The following PRRC2B variants were observed in gnomAD, a reference collection of about 807,000 sequenced individuals.
PRRC2B encodes the protein proline rich coiled-coil 2B.
PRRC2B carries 68 observed loss-of-function variants against 242.3 expected under a neutral mutation model. The ratio of observed to expected loss-of-function variants is 0.28; its 90% CI spans 0.23 to 0.34. The LOEUF is 0.34. Among genes scored for constraint, PRRC2B ranks in the 10% least tolerant of loss-of-function variants. PRRC2B has a pLI of 1.00. For synonymous variants in PRRC2B, 1,228 were observed against 1,173.6 expected (o/e 1.05, Z -0.95); for missense variants, 2,835 against 2,954.8 (o/e 0.96, Z 0.94).
At chr9:131,422,204 G>A (rs991595851) in intron 1 of PRRC2B, among the ~76,000 whole-genome samples, 6 of 152,042 alleles carry the variant, frequency 3.9e-5, no homozygotes, top group South Asian at 2.1e-4. Context: ...ACAGGCGCGC[G>A]CCACCATGCC....
At chr9:131,484,547 A>C in intron 23 of PRRC2B, 139 bp from the exon 24 acceptor site, 1 of 613,702 alleles carries the variant, frequency 1.6e-6, no homozygotes, top group African/African-American at 1.9e-5. Context: ...GCTTTTGGGA[A>C]AAGCCATGGA....
At position 131,491,447 on chromosome 9, in the gene PRRC2B, A is replaced by G; in HGVS notation, c.6248A>G (p.Tyr2083Cys). The G allele has an allele frequency of 1.2e-6, 2 of 1,608,388 alleles. No individual in the cohort carries two copies. The highest frequency in any genetic ancestry group is 1.7e-6 in the Non-Finnish European group (2 of 1,177,778). Residue 2083 changes from tyrosine (Y) to cysteine (C), a missense_variant, in exon 29 of 32, where the codon TAC (tyrosine) becomes TGC (cysteine). Coordinates refer to ENST00000683519, the MANE Select transcript of PRRC2B (RefSeq NM_013318.4). ...CAGCTGACCATGCCACTGCCTCGGT[A>G]CGGCTCCGGGCAGCAGCCACTGATC... Reference protein sequence around the residue: ...LPQLTMPLPRYGSGQQPLILP... With the variant: ...LPQLTMPLPRCGSGQQPLILP...
intron 17 of PRRC2B, 106 bp downstream of exon 17, chr9:131,478,055 G>A (rs760942028): frequency 8.8e-5 from 84 of 957,948 alleles, no homozygotes; most frequent in Non-Finnish European, 1.1e-4. Context: ...CTTAGCTTTC[G>A]GAACAGCTCG....
At chr9:131,486,038 G>T in intron 25 of PRRC2B, 47 bp from the exon 26 acceptor site, 1 of 1,274,032 alleles carries the variant, frequency 7.8e-7, no homozygotes, top group Non-Finnish European at 1.1e-6. Context: ...TTGAGAAGTA[G>T]TGAGGCTTGA....
intron 1 of PRRC2B, among the ~76,000 whole-genome samples, chr9:131,410,946 TA>T (rs779302468): frequency 7.2e-5 from 11 of 152,256 alleles, no homozygotes; most frequent in Non-Finnish European, 1.5e-4. Flanking sequence ...GTTTTTAGGA[TA>T]TTTCCTCTGA....
chr9:131,376,206 T>C (rs1049234735), intron 1 of PRRC2B, among the ~76,000 whole-genome samples: 2 of 150,886 alleles, frequency 1.3e-5, no homozygotes, highest in African/African-American at 4.9e-5. Context: ...ACAAAAAAAT[T>C]AGCCAGGTAT....
At chr9:131,465,136 G>C in intron 12 of PRRC2B, 58 bp downstream of exon 12, 3 of 1,500,052 alleles carry the variant, frequency 2.0e-6, no homozygotes, top group Non-Finnish European at 1.8e-6. Context: ...TCCTCGTCTT[G>C]TTACTTGCAA....
intron 1 of PRRC2B, among the ~76,000 whole-genome samples, chr9:131,404,637 A>G (rs905164674): frequency 2.6e-5 from 4 of 152,222 alleles, no homozygotes; most frequent in Non-Finnish European, 5.9e-5. Flanking sequence ...CCTCCCAGAA[A>G]AAAACCCACA....
chr9:131,486,303 G>A lies in PRRC2B; in HGVS notation c.5856+121G>A, dbSNP rs1944023127. 3.5e-6 allele frequency: 3 copies of A among 859,946 alleles called. No individual in the cohort carries two copies. The African/African-American group carries it at 5.1e-5, about 15-fold the overall frequency. 53.3% of individuals were successfully genotyped at this position (859,946 alleles called of 1,614,324 possible). A position where few individuals can be genotyped will look rare whatever the true frequency, so the allele number is the denominator to read the frequency against. ...TGGTTTTCCATCCCCCTCACATGTG[G>A]TGACCAGCACCTGGCCCGCCACGGC... is the stretch of plus-strand genomic sequence containing the variant. On this transcript the variant is annotated intron_variant, in intron 26 of 31. Transcript: ENST00000683519.
chr9:131,399,620 A>G (rs999844588), intron 1 of PRRC2B, among the ~76,000 whole-genome samples: 1 of 152,086 alleles, frequency 6.6e-6, no homozygotes, highest in Non-Finnish European at 1.5e-5. Context: ...GCCAAAATAA[A>G]TATATAAATC....
chr9:131,486,322 C>A, intron 26 of PRRC2B, 140 bp downstream of exon 26: 1 of 842,920 alleles, frequency 1.2e-6, no homozygotes, highest in Non-Finnish European at 1.8e-6. Flanking sequence ...ACCTGGCCCG[C>A]CACGGCAGCC....
At position 131,479,293 on chromosome 9, in the gene PRRC2B, T is replaced by G. The variant is rs761924601; in HGVS notation, c.4800T>G (p.Pro1600=). 8.1e-6 allele frequency: 13 copies of G among 1,613,782 alleles called. No homozygotes were observed. The highest frequency in any genetic ancestry group is 1.7e-5 in the Admixed American group (1 of 60,002). ...GAGGCCTTTCCTCCCGTATTCCTCC[T>G]CGATTTGCAAAAAAGCAGAACAACT... is the stretch of plus-strand genomic sequence containing the variant. ...KGRGLSSRIP[P]RFAKKQNNLC... Residue 1600 remains proline, a synonymous_variant, in exon 19 of 32, where the codon CCT becomes CCG. Transcript: ENST00000683519.
At chr9:131,452,006 G>A (rs139145774) in intron 9 of PRRC2B, among the ~76,000 whole-genome samples, 36 of 152,182 alleles carry the variant, frequency 2.4e-4, no homozygotes, top group African/African-American at 8.0e-4. Context: ...TAATGTCTTT[G>A]TCAGGTTTTG....
rs1448258729 is a variant in PRRC2B, at chr9:131,447,109, A to T, written c.880A>T (p.Asn294Tyr). 6 of 1,614,014 alleles carry T rather than the reference A, an allele frequency of 3.7e-6. No homozygotes were observed. The Admixed American group carries it at 6.7e-5, about 18-fold the overall frequency. ...GATGTGTTCGCCGAAGTCATCAGAA[A>T]ACCAGGGTACAGTGGAACGAGGCTC... ...AFMCSPKSSE[N>Y]QGTVERGSFP... Residue 294 changes from asparagine to tyrosine, a missense_variant, in exon 8 of 32, where the codon AAC (asparagine) becomes TAC (tyrosine). Coordinates refer to ENST00000683519, the MANE Select transcript of PRRC2B (RefSeq NM_013318.4).
intron 11 of PRRC2B, 67 bp from the exon 12 acceptor site, chr9:131,464,696 G>T: frequency 7.1e-7 from 1 of 1,400,988 alleles, no homozygotes. Context: ...TGATCCCAAA[G>T]TGGGAGTGGT....
intron 1 of PRRC2B, among the ~76,000 whole-genome samples, chr9:131,400,317 TTTTC>T (rs1335917127): frequency 2.6e-5 from 4 of 151,654 alleles, no homozygotes; most frequent in Non-Finnish European, 5.9e-5. Context: ...TTTTCTTTTC[TTTTC>T]TTTCTTTTTT....
intron 13 of PRRC2B, among the ~76,000 whole-genome samples, chr9:131,468,612 AGTC>A (rs1236584086): frequency 6.6e-6 from 1 of 152,174 alleles, no homozygotes; most frequent in Non-Finnish European, 1.5e-5. Context: ...GGAACACAGT[AGTC>A]AATACTAAGG....
In PRRC2B at chr9:131,475,356, T is replaced by C. The variant is rs1465635059; in HGVS notation, c.3227T>C (p.Phe1076Ser). 2 of 1,585,876 alleles carry C rather than the reference T, an allele frequency of 1.3e-6. No homozygotes were observed. Among genetic ancestry groups the C allele is most frequent in the East Asian group, 2.2e-5 (1 of 44,634 alleles). The change falls in exon 16 of 32, where the codon TTT becomes TCT. Residue 1076 changes from phenylalanine (F) to serine (S), a missense_variant. Coordinates refer to ENST00000683519, the MANE Select transcript of PRRC2B (RefSeq NM_013318.4). Reference protein sequence around the residue: ...GRGRGFREFTFRGRPAGGNGS... With the variant: ...GRGRGFREFTSRGRPAGGNGS... ...GGCCGTGGTTTCAGAGAGTTCACTTTTCGTGGTCGGCCTGCTGGCGGAAAT... is the reference window on the plus strand; with the variant it reads ...GGCCGTGGTTTCAGAGAGTTCACTTCTCGTGGTCGGCCTGCTGGCGGAAAT...
At chr9:131,433,746 T>C (rs2966346) in intron 3 of PRRC2B, among the ~76,000 whole-genome samples, 148,998 of 152,316 alleles carry the variant, frequency 0.98, 72,972 homozygotes, top group East Asian at 1. Context: ...CTCAGCCTGC[T>C]GACCCCAGCA....
Sources: gnomAD v4.1 joint callset for allele counts (sites outside exome capture counted in the v4.1 genomes callset) on GRCh38, gnomAD v4.1.1 for gene constraint, MANE v1.5 for transcripts, NCBI Gene and HGNC (gene_info 2026-07-23, HGNC 2026-07-21) for gene names.